Variants in ZNF695 observed in about 807,000 individuals in gnomAD.
The protein encoded by ZNF695 is zinc finger protein 695, also known as zinc finger protein SBZF3.
Under a neutral mutation model 11.2 loss-of-function variants are expected in ZNF695, and 11 were observed. The observed-to-expected ratio is 0.98, with a 90% confidence interval of 0.62 to 1.62. The LOEUF (loss-of-function observed/expected upper bound fraction) is 1.62. ZNF695 is among the 40% of genes most tolerant of loss of function. The probability of loss-of-function intolerance (pLI) is 0.00; values close to 1 mark genes in which losing one functional copy is unlikely to be tolerated. For missense variants in ZNF695, 559 were observed against 590.5 expected, an observed-to-expected ratio of 0.95 and a Z score of 0.55; for synonymous variants, 190 against 201.4, an observed-to-expected ratio of 0.94 and a Z score of 0.48.
At position 246,973,652 on chromosome 1, in the gene ZNF695, A is replaced by G. The variant is rs148940300; in HGVS notation, c.391-5860T>C. Among the ~76,000 whole-genome samples, 471 of 152,350 alleles carry G rather than the reference A, an allele frequency of 3.1e-3. 2 individuals are homozygous for G. Among genetic ancestry groups the G allele is most frequent in the African/African-American group, 0.011 (449 of 41,584 alleles). On this transcript the variant is annotated intron_variant, in intron 4 of 5. Transcript: ENST00000487338. Reference sequence around the variant, plus strand: ...TCTTCTATGTATTAAACACAAAATTACAGGCATTTTGCCCAGATTCGTACA... The same window carrying G: ...TCTTCTATGTATTAAACACAAAATTGCAGGCATTTTGCCCAGATTCGTACA...
chr1:246,977,456 C>T (rs187031426), intron 4 of ZNF695, among the ~76,000 whole-genome samples: 185 of 152,284 alleles, frequency 1.2e-3, no homozygotes, highest in African/African-American at 4.3e-3. Context: ...CGGGGTTTTG[C>T]CATGTTGGCC....
At chr1:246,988,511 C>T (rs12129167) in intron 3 of ZNF695, among the ~76,000 whole-genome samples, 5,522 of 152,048 alleles carry the variant, frequency 0.036, 125 homozygotes, top group South Asian at 0.061. Context: ...GACTTTTCAC[C>T]GGAAAACTTA....
At position 246,976,552 on chromosome 1, in the gene ZNF695, T is replaced by TG. The variant is rs1459844395; in HGVS notation, c.391-8761dup. On this transcript the variant is annotated intron_variant, in intron 4 of 5. Coordinates refer to the ZNF695 transcript ENST00000487338. ...GCTCACACCTGTAATCCCAGCACTT[T>TG]GGGAGGCCAAGGCGGGCAGATCACG... 1.2e-3 allele frequency among the ~76,000 whole-genome samples: 187 copies of TG among 151,996 alleles called. 1 individual carries two copies. Among genetic ancestry groups the TG allele is most frequent in the African/African-American group, 4.1e-3 (169 of 41,438 alleles).
Position 246,999,624 on chromosome 1 carries a change from T to TA in ZNF695, c.167-185dup, listed in dbSNP as rs201315808. Among the ~76,000 whole-genome samples the TA allele has an allele frequency of 3.6e-3, 551 of 152,322 alleles. 4 individuals are homozygous for TA. The highest frequency in any genetic ancestry group is 0.034 in the Middle Eastern group (10 of 294). On this transcript the variant is annotated intron_variant, in intron 2 of 3. Transcript: ENST00000339986. ...TAAATTTGTGAGTCCTTAGCCCTGC[T>TA]ACCAAGAACTATAATAACTGGATCA...
chr1:246,978,315 T>A (rs1668619656), intron 4 of ZNF695, among the ~76,000 whole-genome samples: 1 of 152,234 alleles, frequency 6.6e-6, no homozygotes, highest in Admixed American at 6.5e-5. Flanking sequence ...GTCTAATCAT[T>A]TGATTACTTA....
rs1202898603 is a variant in ZNF695, at chr1:246,986,649, A to T, written c.*318T>A. 3 of 1,051,904 alleles carry T rather than the reference A, an allele frequency of 2.9e-6. No individual in the cohort carries two copies. Among genetic ancestry groups the T allele is most frequent in the Middle Eastern group, 4.4e-4 (1 of 2,260 alleles). The allele number at this position is 1,051,904 out of a possible 1,614,324, so 65.2% of individuals were successfully genotyped here. ...TTTTTTGAACAAATGTTGTTTCTGC[A>T]TTTATTACATTTGTAGGGTTTCTCT... On this transcript the variant is annotated 3_prime_UTR_variant, in exon 4 of 4. Coordinates refer to ENST00000339986, the MANE Select transcript of ZNF695 (RefSeq NM_020394.5).
At chr1:246,992,007 A>G (rs1401444317) in intron 3 of ZNF695, among the ~76,000 whole-genome samples, 3 of 152,106 alleles carry the variant, frequency 2.0e-5, no homozygotes, top group Admixed American at 6.5e-5. Flanking sequence ...CATCCTGGCT[A>G]ACAACGTGTA....
At chr1:246,967,060 T>C (rs1243504475) in intron 5 of ZNF695, among the ~76,000 whole-genome samples, 1 of 152,168 alleles carries the variant, frequency 6.6e-6, no homozygotes, top group Non-Finnish European at 1.5e-5. Context: ...TGCCTCAGCC[T>C]CCCCAGCAGC....
downstream of ZNF695, among the ~76,000 whole-genome samples, chr1:246,984,692 A>G (rs1172125540): frequency 6.6e-6 from 1 of 152,242 alleles, no homozygotes; most frequent in East Asian, 1.9e-4. Flanking sequence ...GAAAGAAACA[A>G]TAACAAAAAA....
chr1:246,978,103 G>A (rs1379416294), intron 4 of ZNF695, among the ~76,000 whole-genome samples: 1 of 152,192 alleles, frequency 6.6e-6, no homozygotes, highest in Non-Finnish European at 1.5e-5. Context: ...ACATTTCTCT[G>A]TAGCAGAACA....
rs1408406099 is a variant in ZNF695 at position 246,991,990 on chromosome 1, T to C, written c.260-3735A>G. ...GTGGGCAGATCACAAGGTCAAAAGATTGAGACCATCCTGGCTAACAACGTG... is the reference window on the plus strand; with the variant it reads ...GTGGGCAGATCACAAGGTCAAAAGACTGAGACCATCCTGGCTAACAACGTG... On this transcript the variant is annotated intron_variant, in intron 3 of 3. Coordinates refer to ENST00000339986, the MANE Select transcript of ZNF695 (RefSeq NM_020394.5). 7.2e-5 allele frequency among the ~76,000 whole-genome samples: 11 copies of C among 151,824 alleles called. No homozygotes were observed. The South Asian group carries it at 1.5e-3, about 20-fold the overall frequency.
At chr1:247,002,106 A>G (rs1236535318) in intron 1 of ZNF695, among the ~76,000 whole-genome samples, 1 of 152,130 alleles carries the variant, frequency 6.6e-6, no homozygotes, top group East Asian at 1.9e-4. Context: ...TTACCAACAA[A>G]TTAAAAAAAA....
At chr1:246,946,941 A>G (rs143338719) in intron 5 of ZNF695, among the ~76,000 whole-genome samples, 3,329 of 152,162 alleles carry the variant, frequency 0.022, 60 homozygotes, top group East Asian at 0.067. Context: ...GGAGATCAAG[A>G]CCATCCTGGT....
chr1:246,987,457 C>T lies in ZNF695; in HGVS notation c.1058G>A (p.Arg353Gln), dbSNP rs150953959. 76 of 1,610,030 alleles carry T rather than the reference C, an allele frequency of 4.7e-5. No individual in the cohort carries two copies. Among genetic ancestry groups the T allele is most frequent in the South Asian group, 1.7e-4 (15 of 90,702 alleles). Residue 353 changes from arginine (R) to glutamine (Q), a missense_variant, in exon 4 of 4, where the codon CGA becomes CAA. Physicochemically the swap from Arg to Gln is conservative, Grantham distance 43. Coordinates refer to ENST00000339986, the MANE Select transcript of ZNF695 (RefSeq NM_020394.5). ...RRIHTGEKTF[R>Q]CEECGKAFNQ... ...AAAGGCTTTTCCACATTCTTCACAT[C>T]GGAAGGTTTTCTCTCCAGTATGAAT...
rs1668848618 is a variant in ZNF695, at chr1:246,986,416, C to A, written c.*551G>T. 1 of 985,406 alleles carries A rather than the reference C, an allele frequency of 1.0e-6. No homozygotes were observed. The highest frequency in any genetic ancestry group is 1.2e-6 in the Non-Finnish European group (1 of 829,870). The allele number at this position is 985,406 out of a possible 1,614,324, so 61.0% of individuals were successfully genotyped here. On this transcript the variant is annotated 3_prime_UTR_variant, in exon 4 of 4. Coordinates refer to ENST00000339986, the MANE Select transcript of ZNF695 (RefSeq NM_020394.5). Reference sequence around the variant, plus strand: ...ATTATAACTTCCCCAAAAGGTGAATCTCCTACTTACTTTAACTTAACTTTG... The same window carrying A: ...ATTATAACTTCCCCAAAAGGTGAATATCCTACTTACTTTAACTTAACTTTG...
At position 246,992,251 on chromosome 1, in the gene ZNF695, T is replaced by C. The variant is rs546199043; in HGVS notation, c.260-3996A>G. On this transcript the variant is annotated intron_variant, in intron 3 of 3. Coordinates refer to ENST00000339986, the MANE Select transcript of ZNF695 (RefSeq NM_020394.5). The stretch of plus-strand genomic sequence containing the variant: ...TGAGATCCTGTCATTTGCAACAACA[T>C]AGATGGAACTGAAGGTCACCACGTT... 2.6e-5 allele frequency among the ~76,000 whole-genome samples: 4 copies of C among 152,108 alleles called. No individual in the cohort carries two copies. In the South Asian group the frequency reaches 8.3e-4, roughly 32 times the overall value.
chr1:246,980,924 T>C (rs1016387092), downstream of ZNF695, among the ~76,000 whole-genome samples: 9 of 152,132 alleles, frequency 5.9e-5, no homozygotes, highest in South Asian at 4.1e-4. Context: ...TTCTTTCAAC[T>C]AAAAAGCTTC....
At chr1:246,950,650 C>CA (rs200143022) in intron 5 of ZNF695, among the ~76,000 whole-genome samples, 27,848 of 104,100 alleles carry the variant, frequency 0.27, 5,922 homozygotes, top group Non-Finnish European at 0.36. Flanking sequence ...AACTCCGTTT[C>CA]AAAAAAAAAA....
intron 5 of ZNF695, among the ~76,000 whole-genome samples, chr1:246,955,668 T>G (rs968151214): frequency 1.3e-5 from 2 of 152,198 alleles, no homozygotes; most frequent in African/African-American, 4.8e-5. Flanking sequence ...CAAGATTTGT[T>G]TCAATCCTTT....
Sources: gnomAD v4.1 joint callset for allele counts (sites outside exome capture counted in the v4.1 genomes callset) on GRCh38, gnomAD v4.1.1 for gene constraint, MANE v1.5 for transcripts, NCBI Gene and HGNC (gene_info 2026-07-23, HGNC 2026-07-21) for gene names.